ELF2: variants seen among roughly 807,000 people sequenced by gnomAD.
ELF2 encodes the protein E74 like ETS transcription factor 2.
In ELF2, 11 loss-of-function variants were observed where a neutral mutation model predicts 54.8. The observed-to-expected ratio is 0.20, with a 90% CI of 0.13 to 0.33. ELF2 has a LOEUF of 0.33. Ranked by LOEUF, ELF2 falls within the 10% of genes least tolerant of loss-of-function variation. ELF2 has a pLI of 1.00. For missense variants in ELF2, 513 were observed against 703.0 expected (o/e 0.73, Z 3.06); for synonymous variants, 203 against 245.1 (o/e 0.83, Z 1.61).
Position 139,137,810 on chromosome 4 carries a change from G to A in ELF2, c.-109C>T, listed in dbSNP as rs796142848. The A allele has an allele frequency of 6.7e-7, 1 of 1,497,110 alleles. No homozygotes were observed. The highest frequency in any genetic ancestry group is 1.4e-5 in the South Asian group (1 of 73,542). 92.7% of individuals were successfully genotyped at this position (1,497,110 alleles called of 1,614,324 possible). A position where few individuals can be genotyped will look rare whatever the true frequency, so the allele number is the denominator to read the frequency against. On this transcript the variant is annotated 5_prime_UTR_variant, in exon 3 of 10. Transcript: ENST00000686138. ...TTATCATGTTTTAAAAGTCAATAGAGATGGAGTGGAGTAGATATCCAGAAA... is the reference window on the plus strand; with the variant it reads ...TTATCATGTTTTAAAAGTCAATAGAAATGGAGTGGAGTAGATATCCAGAAA...
At chr4:139,071,095 G>A (rs891375045) in intron 6 of ELF2, among the ~76,000 whole-genome samples, 2 of 152,058 alleles carry the variant, frequency 1.3e-5, no homozygotes, top group African/African-American at 4.8e-5. Flanking sequence ...TGGGATGGGG[G>A]GAGCAGAAAT....
intron 3 of ELF2, among the ~76,000 whole-genome samples, chr4:139,134,666 G>T (rs1348422822): frequency 7.0e-6 from 1 of 142,944 alleles, no homozygotes; most frequent in Non-Finnish European, 1.5e-5. Flanking sequence ...TTTTGCCATG[G>T]TGCCCAGGCT....
intron 4 of ELF2, among the ~76,000 whole-genome samples, chr4:139,085,217 C>T (rs1487714571): frequency 6.6e-6 from 1 of 152,078 alleles, no homozygotes; most frequent in Admixed American, 6.5e-5. Flanking sequence ...GAAATCAAAC[C>T]AATATAATGA....
At chr4:139,157,572 T>A (rs1180637686) in intron 1 of ELF2, among the ~76,000 whole-genome samples, 1 of 152,118 alleles carries the variant, frequency 6.6e-6, no homozygotes. Flanking sequence ...CAACTAAGGT[T>A]TTTTTCATTT....
chr4:139,107,503 G>A (rs951470597), intron 4 of ELF2, among the ~76,000 whole-genome samples: 1 of 152,002 alleles, frequency 6.6e-6, no homozygotes. Flanking sequence ...AAATATGTAC[G>A]ATTATAAACC....
At chr4:139,175,056 A>T (rs774472640) in intron 1 of ELF2, among the ~76,000 whole-genome samples, 1 of 152,290 alleles carries the variant, frequency 6.6e-6, no homozygotes, top group East Asian at 1.9e-4. Context: ...AAATGGAGTA[A>T]TTTTTTAAAA....
intron 8 of ELF2, among the ~76,000 whole-genome samples, 169 bp downstream of exon 8, chr4:139,061,696 G>A (rs192160810): frequency 6.6e-6 from 1 of 152,138 alleles, no homozygotes; most frequent in Admixed American, 6.5e-5. Context: ...TTATAAGCAC[G>A]TAGACCAAAC....
chr4:139,164,172 GA>G (rs1268302209), intron 1 of ELF2, among the ~76,000 whole-genome samples: 1 of 144,388 alleles, frequency 6.9e-6, no homozygotes, highest in Admixed American at 7.1e-5. Flanking sequence ...GGAAAAGAAA[GA>G]AAGAAAGAGA....
chr4:139,111,974 CACTT>C (rs757733703), intron 4 of ELF2, among the ~76,000 whole-genome samples: 2 of 152,136 alleles, frequency 1.3e-5, no homozygotes, highest in Non-Finnish European at 2.9e-5. Context: ...TCATTTACAG[CACTT>C]ACTATTTTGA....
intron 4 of ELF2, among the ~76,000 whole-genome samples, chr4:139,092,518 G>A (rs533731172): frequency 6.6e-6 from 1 of 151,736 alleles, no homozygotes; most frequent in Non-Finnish European, 1.5e-5. Flanking sequence ...ACCACTTTGA[G>A]AGGCGGAGGC....
At chr4:139,117,497 C>T (rs1476526978) in intron 4 of ELF2, among the ~76,000 whole-genome samples, 1 of 150,286 alleles carries the variant, frequency 6.7e-6, no homozygotes, top group East Asian at 2.0e-4. Context: ...AGTTCGAGAT[C>T]AGCCTGTACA....
rs889671344 is a variant in ELF2 at position 139,124,925 on chromosome 4, G to A, written c.238+239C>T. ...AATAATAAAATAACTTTATCATTAT[G>A]TGAAGCTGTAATTTTGTGCATAGAG... On this transcript the variant is annotated intron_variant, in intron 4 of 9. Transcript: ENST00000686138. Among the ~76,000 whole-genome samples, 6 of 152,062 alleles carry A rather than the reference G, an allele frequency of 3.9e-5. No individual in the cohort carries two copies. In the South Asian group the frequency reaches 1.0e-3, roughly 26 times the overall value.
intron 4 of ELF2, among the ~76,000 whole-genome samples, chr4:139,077,552 A>G (rs1188603123): frequency 2.0e-5 from 3 of 152,308 alleles, no homozygotes; most frequent in African/African-American, 7.2e-5. Context: ...AAAACTTAAC[A>G]CATTTTGTAA....
upstream of ELF2, among the ~76,000 whole-genome samples, chr4:139,177,545 C>T (rs1229372628): frequency 6.6e-6 from 1 of 152,102 alleles, no homozygotes; most frequent in African/African-American, 2.4e-5. Context: ...ACCCGCCTTC[C>T]CAGGTAAAGA....
chr4:139,072,658 T>C (rs1424544445), intron 5 of ELF2, among the ~76,000 whole-genome samples: 1 of 152,232 alleles, frequency 6.6e-6, no homozygotes, highest in African/African-American at 2.4e-5. Flanking sequence ...TTCTAGTACA[T>C]ACAGTAATGT....
chr4:139,168,760 G>T (rs1578984419), intron 1 of ELF2, among the ~76,000 whole-genome samples: 1 of 152,058 alleles, frequency 6.6e-6, no homozygotes, highest in African/African-American at 2.4e-5. Context: ...TAGAGACAGG[G>T]TCTCACCATG....
At chr4:139,084,195 A>T (rs752677282) in intron 4 of ELF2, 2 of 1,613,338 alleles carry the variant, frequency 1.2e-6, no homozygotes, top group East Asian at 2.2e-5. Context: ...CGCCATGTTT[A>T]TCCCGGGGCT....
intron 4 of ELF2, among the ~76,000 whole-genome samples, chr4:139,110,430 A>C (rs1734844537): frequency 6.6e-6 from 1 of 152,256 alleles, no homozygotes; most frequent in African/African-American, 2.4e-5. Context: ...ACTAAAAAAA[A>C]ACTAATCTTT....
In ELF2 at chr4:139,125,982, T is replaced by C. The variant is rs139458743; in HGVS notation, c.73-653A>G. ...CAACAATAGCATCTTTGAGGCATAA[T>C]AGGCACAGTTGTTAGCATCATACTC... is the stretch of plus-strand genomic sequence containing the variant. On this transcript the variant is annotated intron_variant, in intron 3 of 9. Transcript: ENST00000686138. Among the ~76,000 whole-genome samples, 44 of 152,208 alleles carry C rather than the reference T, an allele frequency of 2.9e-4. No homozygotes were observed. The East Asian group carries it at 7.7e-3, about 27-fold the overall frequency.
Sources: gnomAD v4.1 joint callset for allele counts (sites outside exome capture counted in the v4.1 genomes callset) on GRCh38, gnomAD v4.1.1 for gene constraint, MANE v1.5 for transcripts, NCBI Gene and HGNC (gene_info 2026-07-23, HGNC 2026-07-21) for gene names.